Variants in XRCC4 observed in about 807,000 individuals in gnomAD.
XRCC4 encodes the protein DNA repair protein XRCC4.
Under a neutral mutation model 39.1 loss-of-function variants are expected in XRCC4, and 28 were observed. The ratio of observed to expected loss-of-function variants is 0.72; its 90% CI spans 0.53 to 0.98. XRCC4 has a LOEUF of 0.98. Among genes scored for constraint, XRCC4 ranks in the 50% least tolerant of loss-of-function variants. XRCC4 has a pLI of 0.00. For missense variants in XRCC4, 350 were observed against 376.4 expected, an observed-to-expected ratio of 0.93 and a Z score of 0.58; for synonymous variants, 123 against 126.4, an observed-to-expected ratio of 0.97 and a Z score of 0.18.
chr5:83,238,717 G>A (rs1395724520), intron 6 of XRCC4, among the ~76,000 whole-genome samples: 1 of 151,908 alleles, frequency 6.6e-6, no homozygotes, highest in Non-Finnish European at 1.5e-5. Flanking sequence ...TCTCTGAATC[G>A]TTTTATTTTT....
intron 1 of XRCC4, among the ~76,000 whole-genome samples, chr5:83,103,387 G>A (rs1303757161): frequency 1.3e-5 from 2 of 151,838 alleles, no homozygotes; most frequent in Non-Finnish European, 2.9e-5. Flanking sequence ...CTTCTTTATT[G>A]TATGAAGTAA....
At chr5:83,272,027 G>A (rs1346164036) in intron 7 of XRCC4, among the ~76,000 whole-genome samples, 1 of 152,148 alleles carries the variant, frequency 6.6e-6, no homozygotes, top group Non-Finnish European at 1.5e-5. Flanking sequence ...TGAAATTTGT[G>A]TAACATGCTG....
At chr5:83,123,287 G>T (rs1253467728) in intron 3 of XRCC4, among the ~76,000 whole-genome samples, 1 of 151,956 alleles carries the variant, frequency 6.6e-6, no homozygotes, top group Non-Finnish European at 1.5e-5. Flanking sequence ...ACTATGAAAT[G>T]ACCCTCTAAT....
At chr5:83,181,777 A>G (rs577153731) in intron 3 of XRCC4, among the ~76,000 whole-genome samples, 263 of 152,298 alleles carry the variant, frequency 1.7e-3, no homozygotes, top group African/African-American at 5.9e-3. Flanking sequence ...ACCAGAACCA[A>G]TGAGCTTACA....
At chr5:83,196,104 G>C (rs1554063768) in intron 4 of XRCC4, among the ~76,000 whole-genome samples, 168 bp downstream of exon 4, 1 of 151,846 alleles carries the variant, frequency 6.6e-6, no homozygotes, top group Non-Finnish European at 1.5e-5. Flanking sequence ...TATATTATAG[G>C]AATACATTAA....
intron 1 of XRCC4, among the ~76,000 whole-genome samples, chr5:83,087,612 G>T (rs1033484070): frequency 6.6e-6 from 1 of 151,768 alleles, no homozygotes; most frequent in African/African-American, 2.4e-5. Context: ...GCAGTGAGCC[G>T]AGATGGTGCC....
the XRCC4 span, among the ~76,000 whole-genome samples, chr5:83,367,117 A>G: frequency 6.6e-6 from 1 of 152,174 alleles, no homozygotes; most frequent in African/African-American, 2.4e-5. Flanking sequence ...TGAATTAATG[A>G]TCTAAATCTA....
chr5:83,235,827 T>C (rs1752668643), intron 6 of XRCC4, among the ~76,000 whole-genome samples: 1 of 152,150 alleles, frequency 6.6e-6, no homozygotes, highest in Admixed American at 6.6e-5. Context: ...GAAAAACTTG[T>C]AGATTCCACC....
chr5:83,207,328 G>T (rs1377692943), intron 6 of XRCC4, among the ~76,000 whole-genome samples: 3 of 135,950 alleles, frequency 2.2e-5, no homozygotes, highest in Non-Finnish European at 5.1e-5. Context: ...AGCTACAATT[G>T]TACTATTTTC....
At chr5:83,102,248 G>C (rs1343397229) in intron 1 of XRCC4, among the ~76,000 whole-genome samples, 1 of 152,036 alleles carries the variant, frequency 6.6e-6, no homozygotes, top group African/African-American at 2.4e-5. Flanking sequence ...ATTTTGTGGA[G>C]ATTAATCAAA....
intron 6 of XRCC4, among the ~76,000 whole-genome samples, chr5:83,254,043 T>C (rs1421687170): frequency 6.6e-6 from 1 of 151,630 alleles, no homozygotes; most frequent in Non-Finnish European, 1.5e-5. Context: ...TACCAATCAG[T>C]ATTCCAGCTG....
At chr5:83,149,849 C>G (rs189687710) in intron 3 of XRCC4, among the ~76,000 whole-genome samples, 2 of 152,068 alleles carry the variant, frequency 1.3e-5, no homozygotes, top group Non-Finnish European at 2.9e-5. Context: ...AGTGGACCAC[C>G]CACAGAGAGT....
At chr5:83,078,025 C>G (rs28383118) in intron 1 of XRCC4, among the ~76,000 whole-genome samples, 1 of 152,246 alleles carries the variant, frequency 6.6e-6, no homozygotes, top group East Asian at 1.9e-4. Context: ...ACTGTGGGTT[C>G]CAACCAGGCA....
At chr5:83,205,472 G>C (rs569409322) in intron 6 of XRCC4, among the ~76,000 whole-genome samples, 155 of 152,222 alleles carry the variant, frequency 1.0e-3, no homozygotes, top group Non-Finnish European at 1.8e-3. Flanking sequence ...TTCCCAGCAA[G>C]TGTTTAAACC....
intron 7 of XRCC4, among the ~76,000 whole-genome samples, chr5:83,313,655 C>A (rs754904522): frequency 1.3e-5 from 2 of 152,184 alleles, no homozygotes; most frequent in Non-Finnish European, 2.9e-5. Flanking sequence ...TTGTCTAACA[C>A]ATCAGCTGTA....
At position 83,195,784 on chromosome 5, in the gene XRCC4, C is replaced by G; in HGVS notation, c.330C>G (p.Ser110=). 6.3e-7 allele frequency: 1 copy of G among 1,590,444 alleles called. No individual in the cohort carries two copies. Among genetic ancestry groups the G allele is most frequent in the Non-Finnish European group, 8.6e-7 (1 of 1,167,004 alleles). ...NLKDVSFRLG[S]FNLEKVENPA... is the part of the protein sequence containing the mutation. ...TTTCATTTTAGTTCAGACTTGGTTC[C>G]TTCAACCTAGAGAAAGTTGAAAACC... is the stretch of plus-strand genomic sequence containing the variant. The change falls in exon 4 of 8, where the codon TCC becomes TCG. Residue 110 remains serine (S), a synonymous_variant. Transcript: ENST00000396027.
intron 6 of XRCC4, among the ~76,000 whole-genome samples, chr5:83,234,179 C>G (rs1459743059): frequency 6.6e-6 from 1 of 152,060 alleles, no homozygotes; most frequent in Non-Finnish European, 1.5e-5. Flanking sequence ...ATAATGAGGT[C>G]AGGGAAAGTC....
At position 83,153,224 on chromosome 5, in the gene XRCC4, T is replaced by TG. The variant is rs559847375; in HGVS notation, c.315+42021_315+42022insG. Among the ~76,000 whole-genome samples, 488 of 151,964 alleles carry TG rather than the reference T, an allele frequency of 3.2e-3. 2 individuals carry two copies. The highest frequency in any genetic ancestry group is 0.011 in the African/African-American group (464 of 41,382). Reference sequence around the variant, plus strand: ...AATAGTTCATTCAAACTTTTTTTTTTTTTTGACAGAGTCTTGCTCTGTCAC... The same window carrying TG: ...AATAGTTCATTCAAACTTTTTTTTTTGTTTTGACAGAGTCTTGCTCTGTCAC... On this transcript the variant is annotated intron_variant, in intron 3 of 7. Transcript: ENST00000396027.
At chr5:83,308,190 A>G (rs1755554485) in intron 7 of XRCC4, among the ~76,000 whole-genome samples, 1 of 152,202 alleles carries the variant, frequency 6.6e-6, no homozygotes, top group Non-Finnish European at 1.5e-5. Flanking sequence ...GTGTTCCATC[A>G]ATAAAACAAA....
Sources: allele counts gnomAD v4.1 joint callset (sites outside exome capture counted in the v4.1 genomes callset), GRCh38; gene constraint gnomAD v4.1.1; transcripts MANE v1.5; gene names NCBI Gene and HGNC (gene_info 2026-07-23, HGNC 2026-07-21).